The following LRRIQ1 variants were observed in gnomAD, a reference collection of about 807,000 sequenced individuals.
The protein encoded by LRRIQ1 is leucine rich repeats and IQ motif containing 1.
LRRIQ1 carries 210 observed loss-of-function variants against 211.9 expected under a neutral mutation model. The ratio of observed to expected loss-of-function variants is 0.99; its 90% CI spans 0.89 to 1.11. LRRIQ1 has a LOEUF of 1.11. Ranked by LOEUF, LRRIQ1 falls within the 50% of genes most tolerant of loss-of-function variation. The pLI is 0.00. For missense variants in LRRIQ1, 2,136 were observed against 1,939.5 expected (o/e 1.10, Z -1.90); for synonymous variants, 699 against 650.1 (o/e 1.08, Z -1.14).
intron 19 of LRRIQ1, among the ~76,000 whole-genome samples, chr12:85,149,937 T>C (rs1164440300): frequency 1.3e-5 from 2 of 151,814 alleles, no homozygotes; most frequent in Non-Finnish European, 2.9e-5. Context: ...AAAATGTCAA[T>C]TTTATCCAGA....
chr12:85,097,024 C>A (rs185883636), intron 11 of LRRIQ1, among the ~76,000 whole-genome samples: 1 of 152,198 alleles, frequency 6.6e-6, no homozygotes, highest in Non-Finnish European at 1.5e-5. Context: ...GTTTCATGAA[C>A]CCTTTACTTT....
At chr12:85,132,612 A>G (rs1433086950) in intron 18 of LRRIQ1, among the ~76,000 whole-genome samples, 2 of 152,060 alleles carry the variant, frequency 1.3e-5, no homozygotes, top group Non-Finnish European at 2.9e-5. Context: ...TATAAAAAAT[A>G]CAAAAATTAA....
chr12:85,103,990 G>T lies in LRRIQ1; in HGVS notation c.3210-14G>T. 6.5e-7 allele frequency: 1 copy of T among 1,538,578 alleles called. No homozygotes were observed. The highest frequency in any genetic ancestry group is 8.8e-7 in the Non-Finnish European group (1 of 1,132,528). On this transcript the variant is annotated splice_polypyrimidine_tract_variant and intron_variant, in intron 13 of 26. Transcript: ENST00000393217. ...AATTTAGAATTTTGATGAAGTTTTT[G>T]TTTTTGTTTTCAGCTTGACTAAAAT...
intron 24 of LRRIQ1, 50 bp from the exon 25 acceptor site, chr12:85,229,465 CAA>C: frequency 6.7e-7 from 1 of 1,497,634 alleles, no homozygotes; most frequent in East Asian, 2.4e-5. Context: ...ACTGGTTGGC[CAA>C]AGTTTGGTCT....
At chr12:85,087,458 C>T (rs1311972358) in intron 11 of LRRIQ1, among the ~76,000 whole-genome samples, 1 of 152,132 alleles carries the variant, frequency 6.6e-6, no homozygotes, top group African/African-American at 2.4e-5. Flanking sequence ...GGTATATACC[C>T]AGTAATGGGA....
At chr12:85,102,594 A>C (rs1298917901) in intron 13 of LRRIQ1, among the ~76,000 whole-genome samples, 1 of 151,690 alleles carries the variant, frequency 6.6e-6, no homozygotes, top group Non-Finnish European at 1.5e-5. Flanking sequence ...GGATAGTACA[A>C]GGGAAGAGTG....
chr12:85,096,428 C>T (rs922691879), intron 11 of LRRIQ1, among the ~76,000 whole-genome samples: 1 of 152,086 alleles, frequency 6.6e-6, no homozygotes, highest in African/African-American at 2.4e-5. Flanking sequence ...AACCAAAAGG[C>T]ATTCAGAAGC....
rs1410218249 is a variant in LRRIQ1, at chr12:85,121,956, A to G, written c.3557+80A>G. ...ATGTGATTTTAAAGTATTCTGATTAACACAATTATACTTTTTTGGATTAGA... is the reference window on the plus strand; with the variant it reads ...ATGTGATTTTAAAGTATTCTGATTAGCACAATTATACTTTTTTGGATTAGA... On this transcript the variant is annotated intron_variant, in intron 16 of 26. Coordinates refer to ENST00000393217, the MANE Select transcript of LRRIQ1 (RefSeq NM_001079910.2). The G allele has an allele frequency of 2.5e-6, 3 of 1,191,044 alleles. No homozygotes were observed. In the East Asian group the frequency reaches 8.5e-5, roughly 34 times the overall value. The allele number at this position is 1,191,044 out of a possible 1,614,324, so 73.8% of individuals were successfully genotyped here. A position where few individuals can be genotyped will look rare whatever the true frequency, so the allele number is the denominator to read the frequency against.
chr12:85,195,001 G>A lies in LRRIQ1; in HGVS notation c.4822+34287G>A, dbSNP rs565719002. 1.3e-4 allele frequency among the ~76,000 whole-genome samples: 20 copies of A among 152,118 alleles called. No homozygotes were observed. The South Asian group carries it at 2.7e-3, about 21-fold the overall frequency. On this transcript the variant is annotated intron_variant, in intron 24 of 26. Transcript: ENST00000393217. Reference sequence around the variant, plus strand: ...AAATGATAAAGGGGATATCACCACCGATCCCACAGAAATACAAACTACATC... The same window carrying A: ...AAATGATAAAGGGGATATCACCACCAATCCCACAGAAATACAAACTACATC...
intron 11 of LRRIQ1, among the ~76,000 whole-genome samples, chr12:85,095,371 T>C (rs759661856): frequency 2.0e-5 from 3 of 152,192 alleles, no homozygotes; most frequent in Non-Finnish European, 4.4e-5. Flanking sequence ...ATTGAGAGGA[T>C]CATATGATTT....
intron 24 of LRRIQ1, among the ~76,000 whole-genome samples, chr12:85,200,370 G>A (rs748694468): frequency 3.3e-5 from 5 of 151,998 alleles, no homozygotes; most frequent in Non-Finnish European, 7.4e-5. Flanking sequence ...GCTTTTGGGC[G>A]AGATTCTAGG....
At position 85,160,686 on chromosome 12, in the gene LRRIQ1, A is replaced by G. The variant is rs1156472829; in HGVS notation, c.4794A>G (p.Val1598=). ...CTCTTCCAAAATCACCAAAGATGGT[A>G]CAGCCCAGAAGAGATGGTTACTTTG... ...KVSLPKSPKM[V]QPRRDGYFEG... The change falls in exon 24 of 27, where the codon GTA becomes GTG. Residue 1598 remains valine, a synonymous_variant. Transcript: ENST00000393217. 1.9e-6 allele frequency: 3 copies of G among 1,609,402 alleles called. No homozygotes were observed. In the East Asian group the frequency reaches 6.7e-5, roughly 36 times the overall value.
chr12:85,211,062 TTTC>T (rs761346161), intron 24 of LRRIQ1, among the ~76,000 whole-genome samples: 11 of 152,230 alleles, frequency 7.2e-5, no homozygotes, highest in Non-Finnish European at 1.0e-4. Context: ...GATGCTCATA[TTTC>T]TTCTTGTGCT....
At chr12:85,127,503 C>T (rs911533148) in intron 17 of LRRIQ1, among the ~76,000 whole-genome samples, 1 of 152,198 alleles carries the variant, frequency 6.6e-6, no homozygotes, top group African/African-American at 2.4e-5. Flanking sequence ...TGTCCTCTCT[C>T]TTCTGCCTCA....
intron 23 of LRRIQ1, 86 bp from the exon 24 acceptor site, chr12:85,160,527 C>A: frequency 2.3e-5 from 16 of 684,104 alleles, no homozygotes; most frequent in East Asian, 2.8e-5. Flanking sequence ...TTTTTTTTTA[C>A]TACCACCATA....
chr12:85,126,675 C>T (rs973683964), intron 17 of LRRIQ1, among the ~76,000 whole-genome samples: 10 of 151,964 alleles, frequency 6.6e-5, no homozygotes, highest in African/African-American at 1.9e-4. Context: ...ATATTCTATT[C>T]GTAGTAAAAC....
intron 24 of LRRIQ1, among the ~76,000 whole-genome samples, chr12:85,220,374 C>T (rs776334785): frequency 6.6e-5 from 10 of 151,780 alleles, no homozygotes; most frequent in South Asian, 4.2e-4. Context: ...CCTCACTTTA[C>T]GATATTATGT....
chr12:85,121,588 A>G, intron 15 of LRRIQ1, 109 bp from the exon 16 acceptor site: 3 of 750,710 alleles, frequency 4.0e-6, no homozygotes. Context: ...ACATTTTCTG[A>G]GATATATATC....
chr12:85,152,342 T>A lies in LRRIQ1; in HGVS notation c.4392T>A (p.Leu1464=). 6.2e-7 allele frequency: 1 copy of A among 1,611,334 alleles called. No individual in the cohort carries two copies. The highest frequency in any genetic ancestry group is 8.5e-7 in the Non-Finnish European group (1 of 1,178,284). The change falls in exon 20 of 27, where the codon CTT becomes CTA. Residue 1464 remains leucine, a synonymous_variant. Transcript: ENST00000393217. The stretch of plus-strand genomic sequence containing the variant: ...CCCGCTTCCCTTCACAAACACTGCT[T>A]CTTTCAAACCAGCTGCATTGGCCAA... ...DSTRFPSQTL[L]LSNQLHWPKI...
Sources: allele counts gnomAD v4.1 joint callset (sites outside exome capture counted in the v4.1 genomes callset), GRCh38; gene constraint gnomAD v4.1.1; transcripts MANE v1.5; gene names NCBI Gene and HGNC (gene_info 2026-07-23, HGNC 2026-07-21).